SHROOM3: variants seen among roughly 807,000 people sequenced by gnomAD.
The protein encoded by SHROOM3 is protein Shroom3.
SHROOM3 carries 47 observed loss-of-function variants against 138.6 expected under a neutral mutation model. That is an observed-to-expected ratio of 0.34 (90% CI 0.27 to 0.43). The LOEUF is 0.43. Among genes scored for constraint, SHROOM3 ranks in the 20% least tolerant of loss-of-function variants. The probability of loss-of-function intolerance (pLI) is 1.00; values close to 1 mark genes in which losing one functional copy is unlikely to be tolerated. For synonymous variants in SHROOM3, 1,062 were observed against 1,063.3 expected, an observed-to-expected ratio of 1.00 and a Z score of 0.02; for missense variants, 2,491 against 2,596.5, an observed-to-expected ratio of 0.96 and a Z score of 0.88.
At chr4:76,619,612 A>G (rs571200438) in intron 2 of SHROOM3, among the ~76,000 whole-genome samples, 7 of 152,314 alleles carry the variant, frequency 4.6e-5, no homozygotes, top group Admixed American at 3.9e-4. Flanking sequence ...AAACATGGGG[A>G]TACAGACTTA....
intron 1 of SHROOM3, among the ~76,000 whole-genome samples, chr4:76,472,813 G>A (rs1353313532): frequency 6.6e-6 from 1 of 151,954 alleles, no homozygotes; most frequent in East Asian, 1.9e-4. Context: ...TTCTGCCTCA[G>A]CCTCCCAAGT....
intron 2 of SHROOM3, among the ~76,000 whole-genome samples, chr4:76,650,351 G>C (rs1735926610): frequency 6.6e-6 from 1 of 152,056 alleles, no homozygotes; most frequent in Non-Finnish European, 1.5e-5. Context: ...ATGTAAATTA[G>C]CACAACCACT....
chr4:76,750,175 T>G (rs1029286991), intron 6 of SHROOM3, among the ~76,000 whole-genome samples: 1 of 152,116 alleles, frequency 6.6e-6, no homozygotes, highest in South Asian at 2.1e-4. Flanking sequence ...CAAGGTGAGG[T>G]TGAGGACTTT....
At chr4:76,658,585 A>G (rs1736115797) in intron 2 of SHROOM3, among the ~76,000 whole-genome samples, 1 of 152,206 alleles carries the variant, frequency 6.6e-6, no homozygotes, top group African/African-American at 2.4e-5. Flanking sequence ...GAGCAGGAAC[A>G]GTGAACTATA....
chr4:76,528,515 T>C (rs533888246), intron 1 of SHROOM3, among the ~76,000 whole-genome samples: 5 of 150,302 alleles, frequency 3.3e-5, no homozygotes, highest in African/African-American at 1.2e-4. Context: ...TCTTAGTCAA[T>C]ATAGGACTTC....
At chr4:76,749,333 C>G (rs1416136426) in intron 6 of SHROOM3, among the ~76,000 whole-genome samples, 1 of 152,034 alleles carries the variant, frequency 6.6e-6, no homozygotes, top group Non-Finnish European at 1.5e-5. Context: ...TGTGCTGCAC[C>G]CATTAACTCG....
chr4:76,653,858 C>T (rs969939188), intron 2 of SHROOM3, among the ~76,000 whole-genome samples: 3 of 152,090 alleles, frequency 2.0e-5, no homozygotes, highest in Non-Finnish European at 4.4e-5. Flanking sequence ...GCTGAGCCAC[C>T]ATGCTCAGCT....
At chr4:76,525,007 A>G (rs542697142) in intron 1 of SHROOM3, among the ~76,000 whole-genome samples, 2 of 152,320 alleles carry the variant, frequency 1.3e-5, no homozygotes, top group Non-Finnish European at 2.9e-5. Context: ...GAAACTACCA[A>G]ACTATCTTCC....
intron 2 of SHROOM3, among the ~76,000 whole-genome samples, chr4:76,681,843 C>G (rs1455351537): frequency 6.6e-6 from 1 of 152,124 alleles, no homozygotes; most frequent in African/African-American, 2.4e-5. Flanking sequence ...CTCTCTCCAG[C>G]CCAGGTGTAC....
chr4:76,653,672 C>A (rs968145093), intron 2 of SHROOM3, among the ~76,000 whole-genome samples: 3 of 152,188 alleles, frequency 2.0e-5, no homozygotes, highest in Admixed American at 2.0e-4. Flanking sequence ...CTCGAAGGAT[C>A]CTCCCACCTC....
rs866625101 is a variant in SHROOM3 at position 76,778,222 on chromosome 4, A to T, written c.5623-587A>T. The stretch of plus-strand genomic sequence containing the variant: ...TGTATATACTCAAGGTACCTTGATG[A>T]TTTTTTTTTTTTTTTTTGAGACAAG... On this transcript the variant is annotated intron_variant, in intron 10 of 10. Transcript: ENST00000296043. Among the ~76,000 whole-genome samples, 393 of 139,932 alleles carry T rather than the reference A, an allele frequency of 2.8e-3. 1 individual carries two copies. The highest frequency in any genetic ancestry group is 0.015 in the Middle Eastern group (4 of 272). The allele number at this position is 139,932 out of a possible 152,430, so 91.8% of individuals were successfully genotyped here. A position where few individuals can be genotyped will look rare whatever the true frequency, so the allele number is the denominator to read the frequency against.
At chr4:76,576,119 C>T (rs1733932060) in intron 2 of SHROOM3, among the ~76,000 whole-genome samples, 2 of 152,114 alleles carry the variant, frequency 1.3e-5, no homozygotes, top group South Asian at 4.2e-4. Context: ...AAGAAAGCTA[C>T]CATACGATCC....
intron 2 of SHROOM3, among the ~76,000 whole-genome samples, chr4:76,565,858 A>G (rs115509646): frequency 0.016 from 2,405 of 152,152 alleles, 67 homozygotes; most frequent in African/African-American, 0.055. Flanking sequence ...AGTAATCCCT[A>G]TAATCCCAGC....
intron 1 of SHROOM3, among the ~76,000 whole-genome samples, chr4:76,539,861 CCT>C (rs1733062295): frequency 6.6e-6 from 1 of 152,148 alleles, no homozygotes; most frequent in African/African-American, 2.4e-5. Context: ...ATCTTTCTGG[CCT>C]CTGAGATGGA....
chr4:76,635,528 C>T (rs1409630014), intron 2 of SHROOM3, among the ~76,000 whole-genome samples: 1 of 152,280 alleles, frequency 6.6e-6, no homozygotes, highest in East Asian at 1.9e-4. Context: ...GCCAGACCTA[C>T]CATTCAGGTT....
chr4:76,558,079 C>T (rs1238625273), intron 2 of SHROOM3, among the ~76,000 whole-genome samples: 2 of 152,176 alleles, frequency 1.3e-5, no homozygotes, highest in Non-Finnish European at 2.9e-5. Context: ...ATGGCAGAAT[C>T]CACACTCCTG....
chr4:76,463,524 C>T (rs1176575579), intron 1 of SHROOM3, among the ~76,000 whole-genome samples: 5 of 152,180 alleles, frequency 3.3e-5, no homozygotes, highest in Non-Finnish European at 7.3e-5. Context: ...TTCAAGCCAG[C>T]TATGGAAATT....
intron 2 of SHROOM3, among the ~76,000 whole-genome samples, chr4:76,615,302 C>T (rs1309297167): frequency 6.6e-6 from 1 of 152,146 alleles, no homozygotes; most frequent in Admixed American, 6.5e-5. Context: ...CTTAATACAC[C>T]GTGTTACCTG....
chr4:76,704,330 G>A (rs1378181199), intron 2 of SHROOM3, among the ~76,000 whole-genome samples: 1 of 152,178 alleles, frequency 6.6e-6, no homozygotes, highest in Non-Finnish European at 1.5e-5. Flanking sequence ...ACCCTGACCT[G>A]GCTGAGCTTA....
Sources: allele counts gnomAD v4.1 joint callset (sites outside exome capture counted in the v4.1 genomes callset), GRCh38; gene constraint gnomAD v4.1.1; transcripts MANE v1.5; gene names NCBI Gene and HGNC (gene_info 2026-07-23, HGNC 2026-07-21).